SLC35F3: variants seen among roughly 807,000 people sequenced by gnomAD.
The protein encoded by SLC35F3 is solute carrier family 35 member F3, also known as putative thiamine transporter SLC35F3.
In SLC35F3, 25 loss-of-function variants were observed where a neutral mutation model predicts 49.9. The observed-to-expected ratio is 0.50, with a 90% CI of 0.37 to 0.70. The LOEUF (loss-of-function observed/expected upper bound fraction) is 0.70. Among genes scored for constraint, SLC35F3 ranks in the 30% least tolerant of loss-of-function variants. SLC35F3 has a pLI of 0.00. For missense variants in SLC35F3, 525 were observed against 639.8 expected (o/e 0.82, Z 1.94); for synonymous variants, 275 against 265.4 (o/e 1.04, Z -0.35).
chr1:234,176,313 A>AAAAGAGAAAGCTGCTC (rs1354452999), intron 2 of SLC35F3, among the ~76,000 whole-genome samples: 1 of 152,112 alleles, frequency 6.6e-6, no homozygotes, highest in Admixed American at 6.6e-5. Flanking sequence ...ATTTTGGGGG[A>AAAAGAGAAAGCTGCTC]AAAGAGAAAG....
At chr1:234,011,049 G>A (rs542623376) in intron 2 of SLC35F3, among the ~76,000 whole-genome samples, 1 of 152,178 alleles carries the variant, frequency 6.6e-6, no homozygotes, top group Admixed American at 6.5e-5. Flanking sequence ...AAGTTCCTAT[G>A]GCATATTTCT....
At chr1:234,000,913 G>C (rs1193738337) in intron 2 of SLC35F3, among the ~76,000 whole-genome samples, 1 of 152,158 alleles carries the variant, frequency 6.6e-6, no homozygotes, top group East Asian at 1.9e-4. Flanking sequence ...GCCACTGTTT[G>C]ACAGTGACAA....
At chr1:234,076,974 A>G (rs1415262206) in intron 2 of SLC35F3, among the ~76,000 whole-genome samples, 1 of 149,960 alleles carries the variant, frequency 6.7e-6, no homozygotes, top group Non-Finnish European at 1.5e-5. Context: ...TGGATAATTT[A>G]TAAAAGAAAG....
chr1:233,986,682 G>A (rs766521846), intron 2 of SLC35F3, among the ~76,000 whole-genome samples: 9 of 151,894 alleles, frequency 5.9e-5, no homozygotes, highest in Non-Finnish European at 1.0e-4. Context: ...GCTTATTTTT[G>A]TATTTGTATC....
At chr1:234,234,298 A>T (rs947436153) in intron 3 of SLC35F3, among the ~76,000 whole-genome samples, 1 of 152,132 alleles carries the variant, frequency 6.6e-6, no homozygotes, top group African/African-American at 2.4e-5. Flanking sequence ...TCTTGCAGTT[A>T]TCAGGAGGCA....
intron 2 of SLC35F3, among the ~76,000 whole-genome samples, chr1:233,974,174 CTTTT>C (rs757673463): frequency 4.8e-5 from 4 of 83,096 alleles, no homozygotes; most frequent in African/African-American, 2.3e-4. Context: ...ATTTCTATTT[CTTTT>C]TTTTTTTTTT....
At chr1:233,942,953 A>G (rs1662452627) in intron 2 of SLC35F3, among the ~76,000 whole-genome samples, 3 of 152,142 alleles carry the variant, frequency 2.0e-5, no homozygotes. Flanking sequence ...ATCATGCAGT[A>G]TTTGTCGTTT....
intron 2 of SLC35F3, among the ~76,000 whole-genome samples, chr1:234,097,158 G>A (rs1368299131): frequency 6.6e-6 from 1 of 152,082 alleles, no homozygotes; most frequent in African/African-American, 2.4e-5. Flanking sequence ...CAAAGTGCTA[G>A]GATTACAGGC....
At chr1:234,088,757 G>A (rs1664997172) in intron 2 of SLC35F3, among the ~76,000 whole-genome samples, 1 of 152,012 alleles carries the variant, frequency 6.6e-6, no homozygotes, top group Admixed American at 6.6e-5. Context: ...GAACACAGAA[G>A]ATTTCTTTTT....
At chr1:234,280,237 C>T (rs754595865) in intron 3 of SLC35F3, among the ~76,000 whole-genome samples, 12 of 152,212 alleles carry the variant, frequency 7.9e-5, no homozygotes, top group African/African-American at 1.2e-4. Context: ...TCCCCCAAAA[C>T]GAGGGGGCCT....
chr1:234,054,623 C>T (rs1195574374), intron 2 of SLC35F3, among the ~76,000 whole-genome samples: 2 of 152,202 alleles, frequency 1.3e-5, no homozygotes, highest in African/African-American at 2.4e-5. Context: ...TACCGATTGT[C>T]TGAAGCCTTC....
intron 2 of SLC35F3, among the ~76,000 whole-genome samples, chr1:234,028,990 G>C (rs897073605): frequency 2.6e-5 from 4 of 152,222 alleles, no homozygotes; most frequent in African/African-American, 7.2e-5. Flanking sequence ...AGGCATGAGG[G>C]ACTTAAATGG....
intron 2 of SLC35F3, among the ~76,000 whole-genome samples, chr1:233,952,919 A>G (rs1662631005): frequency 6.6e-6 from 1 of 152,184 alleles, no homozygotes; most frequent in Admixed American, 6.5e-5. Context: ...ATGATTTCCA[A>G]AAAGATGAGG....
At chr1:234,264,076 T>C (rs1389639734) in intron 3 of SLC35F3, among the ~76,000 whole-genome samples, 3 of 151,826 alleles carry the variant, frequency 2.0e-5, no homozygotes, top group Non-Finnish European at 4.4e-5. Flanking sequence ...ACCACTACAC[T>C]CCAGCCTGGG....
At chr1:234,106,267 G>T (rs1314520809) in intron 2 of SLC35F3, among the ~76,000 whole-genome samples, 1 of 152,234 alleles carries the variant, frequency 6.6e-6, no homozygotes, top group Non-Finnish European at 1.5e-5. Context: ...AAGGGTAAGT[G>T]TCTGCTGGGG....
At position 234,324,066 on chromosome 1, in the gene SLC35F3, T is replaced by C. The variant is rs1003881232; in HGVS notation, c.*823T>C. On this transcript the variant is annotated 3_prime_UTR_variant, in exon 8 of 8. Transcript: ENST00000366618. The stretch of plus-strand genomic sequence containing the variant: ...TCTGTGTACAAAAAAATGACAGAGC[T>C]GATGGCCAGTGTATACAGAGCGTGG... The C allele has an allele frequency of 2.0e-5, 3 of 152,276 alleles. No homozygotes were observed. Among genetic ancestry groups the C allele is most frequent in the Admixed American group, 2.0e-4 (3 of 15,286 alleles). The allele number at this position is 152,276 out of a possible 1,614,324, so 9.4% of individuals were successfully genotyped here. A position where few individuals can be genotyped will look rare whatever the true frequency, so the allele number is the denominator to read the frequency against.
chr1:234,214,684 C>A lies in SLC35F3; in HGVS notation c.284-16733C>A. 7.3e-7 allele frequency: 1 copy of A among 1,365,742 alleles called. No homozygotes were observed. The highest frequency in any genetic ancestry group is 9.6e-7 in the Non-Finnish European group (1 of 1,041,548). 84.6% of individuals were successfully genotyped at this position (1,365,742 alleles called of 1,614,324 possible). ...GGCGCCGGGGCTGGGGGTACTGCTCCCCCAGGACGCGGCTCCGCAGTGCAG... is the reference window on the plus strand; with the variant it reads ...GGCGCCGGGGCTGGGGGTACTGCTCACCCAGGACGCGGCTCCGCAGTGCAG... On this transcript the variant is annotated intron_variant, in intron 2 of 7. Coordinates refer to ENST00000366618, the MANE Select transcript of SLC35F3 (RefSeq NM_173508.4). The surrounding 1 kb of genome is among the most constrained non-coding windows in gnomAD (Gnocchi z 8.0).
rs552641983 is a variant in SLC35F3 at position 234,116,399 on chromosome 1, T to A, written c.284-115018T>A. Among the ~76,000 whole-genome samples, 8 of 152,298 alleles carry A rather than the reference T, an allele frequency of 5.3e-5. No homozygotes were observed. The South Asian group carries it at 1.5e-3, about 28-fold the overall frequency. ...GACCAAATAAATATTTCTTATTAAG[T>A]CACAAGACCACAGGGCTATGTTATT... On this transcript the variant is annotated intron_variant, in intron 2 of 7. Coordinates refer to ENST00000366618, the MANE Select transcript of SLC35F3 (RefSeq NM_173508.4).
At chr1:234,055,978 T>C (rs1001527017) in intron 2 of SLC35F3, among the ~76,000 whole-genome samples, 1 of 152,220 alleles carries the variant, frequency 6.6e-6, no homozygotes, top group African/African-American at 2.4e-5. Flanking sequence ...ACTCTTGGAT[T>C]TACCATATTG....
Sources: gnomAD v4.1 joint callset for allele counts (sites outside exome capture counted in the v4.1 genomes callset) on GRCh38, gnomAD v4.1.1 for gene constraint, Gnocchi (gnomAD v3.1) non-coding constraint, MANE v1.5 for transcripts, NCBI Gene and HGNC (gene_info 2026-07-23, HGNC 2026-07-21) for gene names.